SOX6: variants seen among roughly 807,000 people sequenced by gnomAD.
SOX6 encodes transcription factor SOX-6.
SOX6 carries 11 observed loss-of-function variants against 97.8 expected under a neutral mutation model. The observed-to-expected ratio is 0.11, with a 90% confidence interval of 0.07 to 0.19. The LOEUF is 0.19. SOX6 is among the 10% of genes least tolerant of loss of function. The pLI, the probability that SOX6 is intolerant of heterozygous loss-of-function variation, is 1.00. For missense variants in SOX6, 810 were observed against 1,039.5 expected (o/e 0.78, Z 3.04); for synonymous variants, 360 against 371.4 (o/e 0.97, Z 0.35).
intron 4 of SOX6, among the ~76,000 whole-genome samples, chr11:16,485,092 A>G (rs1180736250): frequency 1.3e-5 from 2 of 152,196 alleles, no homozygotes; most frequent in Non-Finnish European, 2.9e-5. Context: ...AGGAGGAATT[A>G]TTGTGGCATT....
intron 3 of SOX6, among the ~76,000 whole-genome samples, chr11:16,255,702 A>T (rs1853660757): frequency 6.6e-6 from 1 of 151,936 alleles, no homozygotes; most frequent in African/African-American, 2.4e-5. Context: ...GTACAAAGTA[A>T]GAGAAGAAAA....
intron 3 of SOX6, among the ~76,000 whole-genome samples, chr11:16,305,463 T>A (rs984608626): frequency 6.6e-6 from 1 of 152,168 alleles, no homozygotes; most frequent in African/African-American, 2.4e-5. Flanking sequence ...TGGGTGGCAA[T>A]GTAAAATGGT....
chr11:16,687,581 G>A (rs781740193), intron 3 of SOX6, among the ~76,000 whole-genome samples: 14 of 152,034 alleles, frequency 9.2e-5, no homozygotes, highest in East Asian at 1.9e-4. Flanking sequence ...CACTATGCCC[G>A]GCCTGAATCT....
intron 1 of SOX6, among the ~76,000 whole-genome samples, chr11:16,451,037 C>T (rs1385243196): frequency 2.6e-5 from 4 of 151,930 alleles, no homozygotes; most frequent in African/African-American, 7.3e-5. Flanking sequence ...AGTTGACCAG[C>T]GTGGGCAACA....
chr11:15,988,767 T>C lies in SOX6; in HGVS notation c.1966+230A>G, dbSNP rs571036661. 7.2e-5 allele frequency among the ~76,000 whole-genome samples: 11 copies of C among 152,360 alleles called. No homozygotes were observed. In the South Asian group the frequency reaches 2.3e-3, roughly 32 times the overall value. ...TCTGAAATAAGTGTTCAGACAGTCC[T>C]GCCCTGGCACCTGGTGGATATAATA... is the stretch of plus-strand genomic sequence containing the variant. On this transcript the variant is annotated intron_variant, in intron 14 of 15. Transcript: ENST00000683767.
chr11:16,066,659 A>T (rs1450362421), intron 9 of SOX6, among the ~76,000 whole-genome samples: 1 of 152,192 alleles, frequency 6.6e-6, no homozygotes, highest in Admixed American at 6.5e-5. Flanking sequence ...AAAGACAAAC[A>T]TCATGTGTTC....
At chr11:16,451,983 A>AACATAAAT in intron 1 of SOX6, among the ~76,000 whole-genome samples, 1 of 143,906 alleles carries the variant, frequency 6.9e-6, no homozygotes, top group African/African-American at 2.6e-5. Context: ...ACCCTATCTA[A>AACATAAAT]AAATAAATAA....
chr11:16,453,134 C>CT (rs369718885), intron 1 of SOX6, among the ~76,000 whole-genome samples: 2 of 151,992 alleles, frequency 1.3e-5, no homozygotes, highest in Non-Finnish European at 2.9e-5. Context: ...GCTCTCACGA[C>CT]TTTTTTTTCC....
rs57964219 is a variant in SOX6 at position 16,132,389 on chromosome 11, AG to A, written c.778-20467del. On this transcript the variant is annotated intron_variant, in intron 6 of 15. Coordinates refer to ENST00000683767, the MANE Select transcript of SOX6 (RefSeq NM_001367873.1). Reference sequence around the variant, plus strand: ...AAGAAAGAAAGAAAGAAAGAAAGAAAGAAAGAAAGAAAAAAGAAAGAAAGAA... The same window carrying A: ...AAGAAAGAAAGAAAGAAAGAAAGAAAAAAGAAAGAAAAAAGAAAGAAAGAA... Among the ~76,000 whole-genome samples the A allele has an allele frequency of 3.4e-3, 299 of 89,206 alleles. 8 individuals carry two copies. Among genetic ancestry groups the A allele is most frequent in the Middle Eastern group, 4.9e-3 (1 of 206 alleles). 58.5% of individuals were successfully genotyped at this position (89,206 alleles called of 152,430 possible). A position where few individuals can be genotyped will look rare whatever the true frequency, so the allele number is the denominator to read the frequency against.
At chr11:16,657,145 A>G (rs1847727652) in intron 3 of SOX6, among the ~76,000 whole-genome samples, 1 of 152,156 alleles carries the variant, frequency 6.6e-6, no homozygotes, top group African/African-American at 2.4e-5. Context: ...ACCCCTAGCA[A>G]CCACTGATCA....
intron 3 of SOX6, among the ~76,000 whole-genome samples, chr11:16,303,174 G>T (rs1855318120): frequency 6.6e-6 from 1 of 152,016 alleles, no homozygotes; most frequent in African/African-American, 2.4e-5. Context: ...AGATGAAGAG[G>T]CATTCTCTAA....
chr11:16,680,258 T>G (rs945973660), intron 3 of SOX6, among the ~76,000 whole-genome samples: 31 of 152,146 alleles, frequency 2.0e-4, no homozygotes, highest in African/African-American at 7.5e-4. Context: ...AACAGAGATT[T>G]CTCTGCAGAA....
At chr11:16,139,529 C>T (rs2134036481) in intron 6 of SOX6, among the ~76,000 whole-genome samples, 1 of 152,226 alleles carries the variant, frequency 6.6e-6, no homozygotes, top group South Asian at 2.1e-4. Flanking sequence ...CATATATGGA[C>T]ACAGGTTACC....
intron 1 of SOX6, among the ~76,000 whole-genome samples, chr11:16,452,054 T>C (rs1418431572): frequency 6.6e-6 from 1 of 151,796 alleles, no homozygotes; most frequent in Non-Finnish European, 1.5e-5. Flanking sequence ...TATGGCCTTG[T>C]TTGTGATGAG....
intron 4 of SOX6, among the ~76,000 whole-genome samples, chr11:16,528,041 G>C (rs1272698692): frequency 2.0e-5 from 3 of 152,106 alleles, no homozygotes; most frequent in Non-Finnish European, 2.9e-5. Flanking sequence ...GCTCAAGGCT[G>C]TGAGTCAGAT....
chr11:16,421,180 C>G (rs530753257), intron 1 of SOX6, among the ~76,000 whole-genome samples: 1 of 152,052 alleles, frequency 6.6e-6, no homozygotes, highest in South Asian at 2.1e-4. Context: ...ATAAGTACAC[C>G]AAAATACACC....
At chr11:15,994,358 A>C (rs1239013181) in intron 13 of SOX6, among the ~76,000 whole-genome samples, 2 of 151,080 alleles carry the variant, frequency 1.3e-5, no homozygotes, top group Non-Finnish European at 2.9e-5. Context: ...GTGTGAGGAA[A>C]GGCACAGGGT....
intron 1 of SOX6, among the ~76,000 whole-genome samples, chr11:16,404,842 G>T: frequency 6.6e-6 from 1 of 151,968 alleles, no homozygotes; most frequent in East Asian, 1.9e-4. Flanking sequence ...TTTTCAACCT[G>T]AAACTCTGTG....
chr11:16,678,913 T>C (rs1360280549), intron 3 of SOX6, among the ~76,000 whole-genome samples: 4 of 152,156 alleles, frequency 2.6e-5, no homozygotes, highest in Non-Finnish European at 5.9e-5. Context: ...GCATCCGCCA[T>C]TGCTGAGGCT....
Sources: gnomAD v4.1 joint callset for allele counts (sites outside exome capture counted in the v4.1 genomes callset) on GRCh38, gnomAD v4.1.1 for gene constraint, MANE v1.5 for transcripts, NCBI Gene and HGNC (gene_info 2026-07-23, HGNC 2026-07-21) for gene names.